DPP3: variants seen among roughly 807,000 people sequenced by gnomAD.
The protein encoded by DPP3 is DPP III.
Under a neutral mutation model 89.8 loss-of-function variants are expected in DPP3, and 64 were observed. The observed-to-expected ratio is 0.71, with a 90% CI of 0.58 to 0.88. The LOEUF (loss-of-function observed/expected upper bound fraction) is 0.88. Ranked by LOEUF, DPP3 falls within the 40% of genes least tolerant of loss-of-function variation. DPP3 has a pLI of 0.00. For synonymous variants in DPP3, 377 were observed against 404.3 expected (o/e 0.93, Z 0.81); for missense variants, 835 against 972.5 (o/e 0.86, Z 1.88).
intron 16 of DPP3, among the ~76,000 whole-genome samples, chr11:66,497,930 T>G (rs1339910990): frequency 6.6e-6 from 1 of 151,970 alleles, no homozygotes; most frequent in Non-Finnish European, 1.5e-5. Context: ...TTTATTTATT[T>G]ATTTGTTTGT....
At chr11:66,486,219 A>G (rs1390435704) in intron 3 of DPP3, among the ~76,000 whole-genome samples, 1 of 152,188 alleles carries the variant, frequency 6.6e-6, no homozygotes, top group Non-Finnish European at 1.5e-5. Context: ...CTAGGATTAC[A>G]GGCATGAGCC....
At chr11:66,497,903 AAAG>A (rs1355367656) in intron 16 of DPP3, among the ~76,000 whole-genome samples, 1 of 151,938 alleles carries the variant, frequency 6.6e-6, no homozygotes, top group Non-Finnish European at 1.5e-5. Flanking sequence ...AAAAAAAAAA[AAAG>A]AATAAGGACA....
In DPP3 at chr11:66,497,490, C is replaced by T; in HGVS notation, c.1878+13C>T. The T allele has an allele frequency of 6.2e-7, 1 of 1,609,792 alleles. No individual in the cohort carries two copies. The highest frequency in any genetic ancestry group is 8.5e-7 in the Non-Finnish European group (1 of 1,177,578). On this transcript the variant is annotated intron_variant, in intron 16 of 17. Transcript: ENST00000531863. ...GCGGAGACTTCAGGTAAGCAAAGGC[C>T]TCTCGTCTGGATGGGTCCCCACCAA...
rs775818602 is a variant in DPP3, at chr11:66,505,809, TAAAAAAAAAAA to T, written c.2041+1046_2041+1056del. On this transcript the variant is annotated intron_variant, in intron 17 of 17. Transcript: ENST00000531863. ...GCTACAGAGCAAGACCTCAACTCTTTAAAAAAAAAAAAAAAAAAAAAGCATTGTCCTGGGCA... is the reference window on the plus strand; with the variant it reads ...GCTACAGAGCAAGACCTCAACTCTTTAAAAAAAAAAGCATTGTCCTGGGCA... Among the ~76,000 whole-genome samples, 5 of 88,088 alleles carry T rather than the reference TAAAAAAAAAAA, an allele frequency of 5.7e-5. No individual in the cohort carries two copies. In the East Asian group the frequency reaches 1.2e-3, roughly 21 times the overall value. 57.8% of individuals were successfully genotyped at this position (88,088 alleles called of 152,430 possible).
chr11:66,486,355 T>C (rs1020013339), intron 3 of DPP3, among the ~76,000 whole-genome samples, 185 bp from the exon 4 acceptor site: 10 of 152,150 alleles, frequency 6.6e-5, no homozygotes, highest in Admixed American at 6.5e-4. Context: ...GCTGGGATTA[T>C]AGGTGTGAGC....
chr11:66,490,340 C>A (rs1197582734), intron 6 of DPP3, among the ~76,000 whole-genome samples: 3 of 152,176 alleles, frequency 2.0e-5, no homozygotes, highest in African/African-American at 7.2e-5. Context: ...CAAAACAACA[C>A]AAACTTATTC....
chr11:66,506,650 C>T (rs1428856934), intron 17 of DPP3, among the ~76,000 whole-genome samples: 1 of 152,136 alleles, frequency 6.6e-6, no homozygotes, highest in Non-Finnish European at 1.5e-5. Flanking sequence ...AGCCTCACCA[C>T]CCCTTCTCTG....
At chr11:66,498,294 C>T (rs901528341) in intron 16 of DPP3, among the ~76,000 whole-genome samples, 3 of 152,178 alleles carry the variant, frequency 2.0e-5, no homozygotes, top group Non-Finnish European at 4.4e-5. Context: ...AGGGTTTCAC[C>T]GTGTTAGCCA....
At chr11:66,490,758 G>T (rs938548089) in intron 6 of DPP3, among the ~76,000 whole-genome samples, 130 of 142,102 alleles carry the variant, frequency 9.1e-4, no homozygotes, top group African/African-American at 2.9e-3. Context: ...GTTTTGTTTT[G>T]TTTTTTTTGT....
rs1855232377 is a variant in DPP3, at chr11:66,486,527, C to T, written c.361-13C>T. ...GTGGTGTGACTGGGCCATTGGCCTC[C>T]CTTTCCTTGCAGGAAAAGCTGGAAC... On this transcript the variant is annotated splice_polypyrimidine_tract_variant and intron_variant, in intron 3 of 17. Coordinates refer to ENST00000531863, the MANE Select transcript of DPP3 (RefSeq NM_130443.4). 4.0e-6 allele frequency: 6 copies of T among 1,494,216 alleles called. No individual in the cohort carries two copies. Among genetic ancestry groups the T allele is most frequent in the African/African-American group, 1.4e-5 (1 of 70,112 alleles). 92.6% of individuals were successfully genotyped at this position (1,494,216 alleles called of 1,614,324 possible). A position where few individuals can be genotyped will look rare whatever the true frequency, so the allele number is the denominator to read the frequency against.
Position 66,482,259 on chromosome 11 carries a change from G to A in DPP3, c.59G>A (p.Arg20His), listed in dbSNP as rs139018330. The change falls in exon 2 of 18, where the codon CGT becomes CAT. Residue 20 changes from arginine (R) to histidine (H), a missense_variant. Physicochemically the swap from Arg to His is conservative, Grantham distance 29. Transcript: ENST00000531863. ...ATCGGCGTGTCTAGCCTGGACTGCC[G>A]TGAGGCCTTCCGCCTGCTGTCACCC... is the stretch of plus-strand genomic sequence containing the variant. ...NDIGVSSLDC[R>H]EAFRLLSPTE... 2.4e-4 allele frequency: 393 copies of A among 1,614,176 alleles called. No homozygotes were observed. The highest frequency in any genetic ancestry group is 2.9e-4 in the Non-Finnish European group (344 of 1,180,044).
chr11:66,508,656 G>A (rs1410667408), intron 17 of DPP3, among the ~76,000 whole-genome samples: 1 of 152,106 alleles, frequency 6.6e-6, no homozygotes, highest in Non-Finnish European at 1.5e-5. Flanking sequence ...CCGAGTAGCT[G>A]GGACTACAGG....
intron 16 of DPP3, among the ~76,000 whole-genome samples, chr11:66,501,186 C>T (rs1191928696): frequency 8.6e-6 from 1 of 116,862 alleles, no homozygotes; most frequent in East Asian, 2.4e-4. Context: ...GACTCTGTCT[C>T]AAAAAAAAAA....
chr11:66,507,127 G>A (rs375419239), intron 17 of DPP3, among the ~76,000 whole-genome samples: 11 of 151,990 alleles, frequency 7.2e-5, no homozygotes, highest in Admixed American at 1.3e-4. Flanking sequence ...CTAGGGATCC[G>A]GAGGTGATCA....
At chr11:66,495,792 G>A (rs1235380825) in intron 15 of DPP3, 42 bp downstream of exon 15, 1 of 1,565,296 alleles carries the variant, frequency 6.4e-7, no homozygotes, top group East Asian at 2.4e-5. Context: ...AAGGGAGCCT[G>A]CAGTGGGTGC....
Position 66,493,097 on chromosome 11 carries a change from AG to A in DPP3, c.1215del (p.Asn406ThrfsTer71). On this transcript the variant is annotated frameshift_variant, in exon 11 of 18. Transcript: ENST00000531863. LOFTEE classifies it high-confidence loss of function. ...GATCTGAGGCAGACGGAAGGCTTTA[AG>A]AACGTGTCGCTGGGGAATGTGCTGG... is the stretch of plus-strand genomic sequence containing the variant. Reference protein sequence around the residue: ...YDDLRQTEGFKNVSLGNVLAV... With the variant: ...YDDLRQTEGFXNVSLGNVLAV... 1 of 1,614,180 alleles carries A rather than the reference AG, an allele frequency of 6.2e-7. No individual in the cohort carries two copies. The highest frequency in any genetic ancestry group is 8.5e-7 in the Non-Finnish European group (1 of 1,180,038).
At chr11:66,502,979 A>AT (rs1565275746) in intron 16 of DPP3, among the ~76,000 whole-genome samples, 1 of 151,540 alleles carries the variant, frequency 6.6e-6, no homozygotes, top group Non-Finnish European at 1.5e-5. Flanking sequence ...TTTATTTATT[A>AT]TTTTTTTGAG....
Position 66,505,368 on chromosome 11 carries a change from C to T in DPP3, c.2041+594C>T, listed in dbSNP as rs143527429. ...TTCCTGCTACTTGTCACTTGAGATA[C>T]CTAAGATGATGTGTGTTATGGAGAG... On this transcript the variant is annotated intron_variant, in intron 17 of 17. Coordinates refer to ENST00000531863, the MANE Select transcript of DPP3 (RefSeq NM_130443.4). Among the ~76,000 whole-genome samples the T allele has an allele frequency of 9.8e-5, 15 of 152,294 alleles. No homozygotes were observed. In the East Asian group the frequency reaches 2.7e-3, roughly 27 times the overall value.
intron 16 of DPP3, among the ~76,000 whole-genome samples, chr11:66,498,218 C>T (rs1176082266): frequency 2.0e-5 from 3 of 152,170 alleles, no homozygotes; most frequent in East Asian, 3.8e-4. Context: ...CTCTGCCTCC[C>T]GAGTAGCAGG....
Sources: allele counts gnomAD v4.1 joint callset (sites outside exome capture counted in the v4.1 genomes callset), GRCh38; gene constraint gnomAD v4.1.1; transcripts MANE v1.5; gene names NCBI Gene and HGNC (gene_info 2026-07-23, HGNC 2026-07-21).